KCNQ1: variants seen among roughly 807,000 people sequenced by gnomAD.
KCNQ1 encodes potassium voltage-gated channel subfamily Q member 1.
Under a neutral mutation model 72.4 loss-of-function variants are expected in KCNQ1, and 49 were observed. The observed-to-expected ratio is 0.68, with a 90% CI of 0.54 to 0.86. The LOEUF is 0.86. Among genes scored for constraint, KCNQ1 ranks in the 40% least tolerant of loss-of-function variants. The probability of loss-of-function intolerance (pLI) is 0.00; values close to 1 mark genes in which losing one functional copy is unlikely to be tolerated. For synonymous variants in KCNQ1, 450 were observed against 412.6 expected (o/e 1.09, Z -1.10); for missense variants, 790 against 945.1 (o/e 0.84, Z 2.15).
Position 2,720,876 on chromosome 11 carries a change from C to T in KCNQ1, c.1515-47968C>T, listed in dbSNP as rs1317139760. ...GCCTTGCTGGGAGTTGGGGCCTGGC[C>T]TGGACCTCGAGGCCACTGGGGACTT... On this transcript the variant is annotated intron_variant, in intron 11 of 15. Transcript: ENST00000155840. This position sits in a 1 kb window ranked among gnomAD's most constrained non-coding sequence, Gnocchi z 5.1. Among the ~76,000 whole-genome samples, 1 of 152,092 alleles carries T rather than the reference C, an allele frequency of 6.6e-6. No individual in the cohort carries two copies. Among genetic ancestry groups the T allele is most frequent in the Non-Finnish European group, 1.5e-5 (1 of 68,020 alleles).
rs1851192860 is a variant in KCNQ1 at position 2,720,993 on chromosome 11, G to A, written c.1515-47851G>A. Among the ~76,000 whole-genome samples the A allele has an allele frequency of 6.6e-6, 1 of 152,128 alleles. No individual in the cohort carries two copies. The highest frequency in any genetic ancestry group is 1.5e-5 in the Non-Finnish European group (1 of 68,032). On this transcript the variant is annotated intron_variant, in intron 11 of 15. Transcript: ENST00000155840. This position sits in a 1 kb window ranked among gnomAD's most constrained non-coding sequence, Gnocchi z 5.1. ...GACTCGGGCAGGCACAGCTTTCCAG[G>A]CCAGAGCCATGGACGGTCCCTGGAC...
Position 2,647,460 on chromosome 11 carries a change from T to C in KCNQ1, c.1394-14501T>C. The C allele has an allele frequency of 2.5e-6, 1 of 398,562 alleles. No homozygotes were observed. The highest frequency in any genetic ancestry group is 2.1e-5 in the African/African-American group (1 of 48,738). The allele number at this position is 398,562 out of a possible 1,614,324, so 24.7% of individuals were successfully genotyped here. ...GGGAGATTGGCCTGTAGTTTTCTTT[T>C]TTGCTGTTATTGTGTCCTTATCTGG... On this transcript the variant is annotated intron_variant, in intron 10 of 15. Coordinates refer to ENST00000155840, the MANE Select transcript of KCNQ1 (RefSeq NM_000218.3). The surrounding 1 kb of genome is among the most constrained non-coding windows in gnomAD (Gnocchi z 4.0).
chr11:2,718,872 G>C (rs2133926966), intron 11 of KCNQ1, among the ~76,000 whole-genome samples: 1 of 152,366 alleles, frequency 6.6e-6, no homozygotes, highest in African/African-American at 2.4e-5. Context: ...GGGCCTGTAA[G>C]GGCCTTCATG....
chr11:2,520,812 A>G (rs1248803109), intron 1 of KCNQ1, among the ~76,000 whole-genome samples: 3 of 152,056 alleles, frequency 2.0e-5, no homozygotes, highest in Non-Finnish European at 4.4e-5. Context: ...TTAAGCCCCT[A>G]GAAGTGGTTT....
Position 2,477,653 on chromosome 11 carries a change from C to T in KCNQ1, c.386+32169C>T, listed in dbSNP as rs2133607138. On this transcript the variant is annotated intron_variant, in intron 1 of 15. Coordinates refer to ENST00000155840, the MANE Select transcript of KCNQ1 (RefSeq NM_000218.3). This position sits in a 1 kb window ranked among gnomAD's most constrained non-coding sequence, Gnocchi z 5.0. ...GTAGTTCATGCCTGTAATCCCACCA[C>T]TTTGGGAGGCTAAGGTGGGAGGATT... Among the ~76,000 whole-genome samples, 1 of 151,886 alleles carries T rather than the reference C, an allele frequency of 6.6e-6. No homozygotes were observed. Among genetic ancestry groups the T allele is most frequent in the East Asian group, 1.9e-4 (1 of 5,154 alleles).
At position 2,544,717 on chromosome 11, in the gene KCNQ1, T is replaced by G. The variant is rs970061269; in HGVS notation, c.477+16699T>G. Among the ~76,000 whole-genome samples the G allele has an allele frequency of 6.6e-6, 1 of 152,224 alleles. No homozygotes were observed. Among genetic ancestry groups the G allele is most frequent in the African/African-American group, 2.4e-5 (1 of 41,452 alleles). On this transcript the variant is annotated intron_variant, in intron 2 of 15. Coordinates refer to ENST00000155840, the MANE Select transcript of KCNQ1 (RefSeq NM_000218.3). This position sits in a 1 kb window ranked among gnomAD's most constrained non-coding sequence, Gnocchi z 4.4. The stretch of plus-strand genomic sequence containing the variant: ...TCCAGTGGCTTTTGAAAAAATGAAT[T>G]CCATTGATTTCCTTATATGAATGAT...
rs749453767 is a variant in KCNQ1, at chr11:2,481,472, G to A, written c.386+35988G>A. ...ACGTCTACAGCTAGGCTGCTTCCCC[G>A]AGGCTGTGTGGCCATCAGCCAGGCG... is the stretch of plus-strand genomic sequence containing the variant. On this transcript the variant is annotated intron_variant, in intron 1 of 15. Coordinates refer to ENST00000155840, the MANE Select transcript of KCNQ1 (RefSeq NM_000218.3). This position sits in a 1 kb window ranked among gnomAD's most constrained non-coding sequence, Gnocchi z 4.6. Among the ~76,000 whole-genome samples the A allele has an allele frequency of 6.6e-6, 1 of 152,082 alleles. No individual in the cohort carries two copies. Among genetic ancestry groups the A allele is most frequent in the African/African-American group, 2.4e-5 (1 of 41,390 alleles).
rs1274793998 is a variant in KCNQ1, at chr11:2,720,314, T to G, written c.1515-48530T>G. On this transcript the variant is annotated intron_variant, in intron 11 of 15. Transcript: ENST00000155840. The surrounding 1 kb of genome is among the most constrained non-coding windows in gnomAD (Gnocchi z 5.1). The stretch of plus-strand genomic sequence containing the variant: ...CTGGCAGCTCTCCTCATCCATCCTA[T>G]GTGTACACTCAGGCACGTACTCCCT... Among the ~76,000 whole-genome samples, 1 of 152,110 alleles carries G rather than the reference T, an allele frequency of 6.6e-6. No homozygotes were observed. Among genetic ancestry groups the G allele is most frequent in the South Asian group, 2.1e-4 (1 of 4,830 alleles).
Position 2,824,832 on chromosome 11 carries a change from T to TGCCGC in KCNQ1, c.1795-22934_1795-22930dup, listed in dbSNP as rs1847806161. Among the ~76,000 whole-genome samples the TGCCGC allele has an allele frequency of 1.3e-5, 2 of 152,176 alleles. No individual in the cohort carries two copies. The highest frequency in any genetic ancestry group is 1.3e-4 in the Admixed American group (2 of 15,280). On this transcript the variant is annotated intron_variant, in intron 15 of 15. Transcript: ENST00000155840. This position sits in a 1 kb window ranked among gnomAD's most constrained non-coding sequence, Gnocchi z 5.9. ...CTGTACTTGGCCTGTCTCAGTGCCGTGCCGCATCCATCCTGCCCCTGGCAC... is the reference window on the plus strand; with the variant it reads ...CTGTACTTGGCCTGTCTCAGTGCCGTGCCGCGCCGCATCCATCCTGCCCCTGGCAC...
In KCNQ1 at chr11:2,538,533, G is replaced by T. The variant is rs1047671625; in HGVS notation, c.477+10515G>T. Reference sequence around the variant, plus strand: ...TTCCTGTCTGAAGGCAGCTGCTTGGGAGGAGGACAGCTGACATTCTTTCAT... The same window carrying T: ...TTCCTGTCTGAAGGCAGCTGCTTGGTAGGAGGACAGCTGACATTCTTTCAT... On this transcript the variant is annotated intron_variant, in intron 2 of 15. Coordinates refer to ENST00000155840, the MANE Select transcript of KCNQ1 (RefSeq NM_000218.3). The surrounding 1 kb of genome is among the most constrained non-coding windows in gnomAD (Gnocchi z 6.7). Among the ~76,000 whole-genome samples the T allele has an allele frequency of 1.1e-4, 16 of 152,182 alleles. No individual in the cohort carries two copies. The highest frequency in any genetic ancestry group is 3.4e-4 in the African/African-American group (14 of 41,444).
chr11:2,596,966 C>T (rs1848742251), intron 10 of KCNQ1, among the ~76,000 whole-genome samples: 1 of 151,980 alleles, frequency 6.6e-6, no homozygotes, highest in African/African-American at 2.4e-5. Flanking sequence ...AGTTGCCACT[C>T]ACCTATAGGC....
intron 11 of KCNQ1, among the ~76,000 whole-genome samples, chr11:2,705,258 G>A (rs539170940): frequency 6.6e-6 from 1 of 152,216 alleles, no homozygotes; most frequent in African/African-American, 2.4e-5. Context: ...CCAGACGGGT[G>A]GGGGGTCTGG....
rs976287266 is a variant in KCNQ1, at chr11:2,788,353, G to A, written c.1794+10316G>A. On this transcript the variant is annotated intron_variant, in intron 15 of 15. Transcript: ENST00000155840. ...CAGGTCTGTTCCCTGGCGTAGCTTC[G>A]CAACTGGAAGGTGCTGCTCAGCAGA... 7.9e-5 allele frequency among the ~76,000 whole-genome samples: 12 copies of A among 152,290 alleles called. No homozygotes were observed. In the South Asian group the frequency reaches 1.2e-3, roughly 16 times the overall value.
At position 2,652,441 on chromosome 11, in the gene KCNQ1, T is replaced by C. The variant is rs1209150508; in HGVS notation, c.1394-9520T>C. On this transcript the variant is annotated intron_variant, in intron 10 of 15. Coordinates refer to ENST00000155840, the MANE Select transcript of KCNQ1 (RefSeq NM_000218.3). The surrounding 1 kb of genome is among the most constrained non-coding windows in gnomAD (Gnocchi z 5.9). ...TTGTCTTGAAAATCAAGGCCACTTT[T>C]TTGTTTTCTCCATCCAAAGACCTCC... The C allele has an allele frequency of 7.5e-6, 3 of 398,544 alleles. No homozygotes were observed. The highest frequency in any genetic ancestry group is 1.3e-5 in the Non-Finnish European group (3 of 226,082). 24.7% of individuals were successfully genotyped at this position (398,544 alleles called of 1,614,324 possible).
intron 1 of KCNQ1, among the ~76,000 whole-genome samples, chr11:2,517,184 C>T (rs1001485254): frequency 8.5e-5 from 13 of 152,188 alleles, no homozygotes; most frequent in Admixed American, 2.6e-4. Context: ...AAGGCCTGAG[C>T]GTCCAGGAGC....
rs151160033 is a variant in KCNQ1 at position 2,656,595 on chromosome 11, C to T, written c.1394-5366C>T. Reference sequence around the variant, plus strand: ...TGGATTCCTCTTTTGTGATGTGCTACTTTGTCTATTGCCCATTTTCTATTA... The same window carrying T: ...TGGATTCCTCTTTTGTGATGTGCTATTTTGTCTATTGCCCATTTTCTATTA... On this transcript the variant is annotated intron_variant, in intron 10 of 15. Transcript: ENST00000155840. 1.2e-3 allele frequency: 494 copies of T among 398,652 alleles called. 3 individuals carry two copies. Among genetic ancestry groups the T allele is most frequent in the African/African-American group, 8.8e-3 (428 of 48,752 alleles). The allele number at this position is 398,652 out of a possible 1,614,324, so 24.7% of individuals were successfully genotyped here. A position where few individuals can be genotyped will look rare whatever the true frequency, so the allele number is the denominator to read the frequency against.
chr11:2,775,937 A>T (rs1846686556), intron 12 of KCNQ1, 23 bp from the exon 13 acceptor site: 1 of 1,550,408 alleles, frequency 6.4e-7, no homozygotes, highest in Non-Finnish European at 8.7e-7. Context: ...AGGAGAAGTG[A>T]TGCGTGTCTT....
chr11:2,452,851 G>A (rs748715430), intron 1 of KCNQ1, among the ~76,000 whole-genome samples: 1 of 152,214 alleles, frequency 6.6e-6, no homozygotes, highest in Non-Finnish European at 1.5e-5. Context: ...GTGGGGAACA[G>A]ATGGGCGGCT....
chr11:2,651,159 G>A lies in KCNQ1; in HGVS notation c.1394-10802G>A. The A allele has an allele frequency of 2.5e-6, 1 of 398,646 alleles. No individual in the cohort carries two copies. Among genetic ancestry groups the A allele is most frequent in the Non-Finnish European group, 4.4e-6 (1 of 226,126 alleles). 24.7% of individuals were successfully genotyped at this position (398,646 alleles called of 1,614,324 possible). On this transcript the variant is annotated intron_variant, in intron 10 of 15. Coordinates refer to ENST00000155840, the MANE Select transcript of KCNQ1 (RefSeq NM_000218.3). This position sits in a 1 kb window ranked among gnomAD's most constrained non-coding sequence, Gnocchi z 6.1. ...AAGGGAGTTCTTTAAATGTACAGTG[G>A]ATCTTGCTGCTTCCCTACTCAAATG...
Sources: gnomAD v4.1 joint callset for allele counts (sites outside exome capture counted in the v4.1 genomes callset) on GRCh38, gnomAD v4.1.1 for gene constraint, Gnocchi (gnomAD v3.1) non-coding constraint, MANE v1.5 for transcripts, NCBI Gene and HGNC (gene_info 2026-07-23, HGNC 2026-07-21) for gene names.